CLNK: variants seen among roughly 807,000 people sequenced by gnomAD.
CLNK encodes the protein cytokine-dependent hematopoietic cell linker.
Under a neutral mutation model 68.6 loss-of-function variants are expected in CLNK, and 74 were observed. That is an observed-to-expected ratio of 1.08 (90% CI 0.89 to 1.31). The LOEUF is 1.31. Ranked by LOEUF, CLNK falls within the 50% of genes most tolerant of loss-of-function variation. CLNK has a pLI of 0.00. For synonymous variants in CLNK, 198 were observed against 172.2 expected, an observed-to-expected ratio of 1.15 and a Z score of -1.17; for missense variants, 553 against 515.3, an observed-to-expected ratio of 1.07 and a Z score of -0.71.
At chr4:10,556,520 C>T (rs538642509) in intron 8 of CLNK, among the ~76,000 whole-genome samples, 23 of 152,144 alleles carry the variant, frequency 1.5e-4, no homozygotes, top group East Asian at 3.9e-4. Flanking sequence ...TTTCTGCAGC[C>T]GAAGAAGTGA....
In CLNK at chr4:10,565,258, G is replaced by A. The variant is rs1007555906; in HGVS notation, c.293-481C>T. Among the ~76,000 whole-genome samples the A allele has an allele frequency of 5.3e-5, 8 of 152,334 alleles. No individual in the cohort carries two copies. In the East Asian group the frequency reaches 7.7e-4, roughly 15 times the overall value. On this transcript the variant is annotated intron_variant, in intron 6 of 18. Coordinates refer to ENST00000226951, the MANE Select transcript of CLNK (RefSeq NM_052964.4). ...TCAATCCCAACATGGAAACTGGCAC[G>A]TAGTAGATGCTCAATGAATGCTTAC...
the CLNK span, among the ~76,000 whole-genome samples, chr4:10,707,590 G>A: frequency 6.6e-6 from 1 of 152,094 alleles, no homozygotes; most frequent in East Asian, 1.9e-4. Context: ...ACCCTAAAAT[G>A]TATAAAACCA....
At chr4:10,491,672 A>G (rs541485955) in intron 18 of CLNK, among the ~76,000 whole-genome samples, 1 of 152,232 alleles carries the variant, frequency 6.6e-6, no homozygotes, top group African/African-American at 2.4e-5. Context: ...GGGTCATTCC[A>G]GATAAGTAGA....
chr4:10,638,311 C>T (rs370120350), intron 2 of CLNK, among the ~76,000 whole-genome samples: 2 of 152,180 alleles, frequency 1.3e-5, no homozygotes, highest in African/African-American at 4.8e-5. Context: ...TGTGTGCATC[C>T]AGATGCTTTT....
intron 16 of CLNK, among the ~76,000 whole-genome samples, chr4:10,508,723 T>G (rs1053663102): frequency 6.6e-5 from 10 of 152,130 alleles, no homozygotes; most frequent in African/African-American, 2.2e-4. Flanking sequence ...CCTCATTTAG[T>G]AGCATGTCAA....
intron 6 of CLNK, among the ~76,000 whole-genome samples, chr4:10,565,655 T>C (rs1222671374): frequency 6.6e-6 from 1 of 152,158 alleles, no homozygotes; most frequent in Admixed American, 6.5e-5. Flanking sequence ...TCCCTGCTTG[T>C]CCACCCTCCG....
At chr4:10,731,852 A>G in the CLNK span, among the ~76,000 whole-genome samples, 16 of 152,334 alleles carry the variant, frequency 1.1e-4, no homozygotes, top group Non-Finnish European at 1.8e-4. Flanking sequence ...TACCACATGC[A>G]AATCTAACGT....
chr4:10,603,879 C>T (rs1397561185), intron 2 of CLNK, among the ~76,000 whole-genome samples: 2 of 152,170 alleles, frequency 1.3e-5, no homozygotes, highest in Non-Finnish European at 2.9e-5. Flanking sequence ...TGGATTCTGA[C>T]TCTTTTATTT....
chr4:10,647,074 T>C (rs1375957254), intron 2 of CLNK, among the ~76,000 whole-genome samples: 1 of 152,166 alleles, frequency 6.6e-6, no homozygotes, highest in Non-Finnish European at 1.5e-5. Context: ...CAGACCCCCA[T>C]AGACTTTCAT....
intron 2 of CLNK, among the ~76,000 whole-genome samples, chr4:10,618,104 G>A (rs1470678968): frequency 2.0e-5 from 3 of 152,252 alleles, no homozygotes; most frequent in East Asian, 3.9e-4. Flanking sequence ...ATCCATAAGA[G>A]CCTCAGACGG....
the CLNK span, among the ~76,000 whole-genome samples, chr4:10,691,585 G>T: frequency 6.6e-6 from 1 of 150,832 alleles, no homozygotes; most frequent in Admixed American, 6.6e-5. Flanking sequence ...CTGGCTGGGA[G>T]TGTGACATTA....
At chr4:10,703,889 C>T in the CLNK span, among the ~76,000 whole-genome samples, 2 of 152,154 alleles carry the variant, frequency 1.3e-5, no homozygotes, top group Admixed American at 1.3e-4. Context: ...GTTGTATATG[C>T]AGTCTGTTGT....
intron 14 of CLNK, chr4:10,523,935 G>A: frequency 2.5e-6 from 1 of 393,838 alleles, no homozygotes; most frequent in Non-Finnish European, 5.1e-6. Context: ...TGATGTGGGA[G>A]GATCACTTGA....
chr4:10,593,395 C>T (rs757018865), intron 3 of CLNK, among the ~76,000 whole-genome samples: 2 of 152,184 alleles, frequency 1.3e-5, no homozygotes, highest in South Asian at 4.2e-4. Flanking sequence ...TGGCTCATGC[C>T]TGTCATCCCA....
At position 10,667,898 on chromosome 4, in the gene CLNK, A is replaced by T; in HGVS notation, c.-29T>A. Reference sequence around the variant, plus strand: ...TCTTGGCACCTGGCGGGTAAGAGGGATCTTCAATTCAGCCTGTGGAAACAA... The same window carrying T: ...TCTTGGCACCTGGCGGGTAAGAGGGTTCTTCAATTCAGCCTGTGGAAACAA... On this transcript the variant is annotated 5_prime_UTR_variant, in exon 2 of 19. Coordinates refer to ENST00000226951, the MANE Select transcript of CLNK (RefSeq NM_052964.4). The T allele has an allele frequency of 6.6e-7, 1 of 1,504,132 alleles. No homozygotes were observed. The highest frequency in any genetic ancestry group is 9.0e-7 in the Non-Finnish European group (1 of 1,113,018). The allele number at this position is 1,504,132 out of a possible 1,614,324, so 93.2% of individuals were successfully genotyped here. A position where few individuals can be genotyped will look rare whatever the true frequency, so the allele number is the denominator to read the frequency against.
intron 17 of CLNK, among the ~76,000 whole-genome samples, chr4:10,503,486 T>A (rs1717143662): frequency 6.7e-6 from 1 of 149,516 alleles, no homozygotes; most frequent in Admixed American, 6.7e-5. Context: ...ATGATAAATA[T>A]AGATTATATA....
chr4:10,525,125 C>T (rs770157361), intron 14 of CLNK, among the ~76,000 whole-genome samples: 10 of 152,140 alleles, frequency 6.6e-5, no homozygotes, highest in Non-Finnish European at 1.3e-4. Flanking sequence ...AGTGCAGTGG[C>T]GCCATCTTGG....
chr4:10,570,807 T>C (rs1720314662), intron 5 of CLNK, among the ~76,000 whole-genome samples: 1 of 152,230 alleles, frequency 6.6e-6, no homozygotes, highest in Non-Finnish European at 1.5e-5. Context: ...TAAATTTTAA[T>C]CTTTTTCTCT....
intron 2 of CLNK, among the ~76,000 whole-genome samples, chr4:10,624,593 G>GTTTTTTTTTTTTTT (rs10559473): frequency 1.6e-5 from 2 of 122,888 alleles, no homozygotes; most frequent in African/African-American, 3.1e-5. Flanking sequence ...CGCCCGGCCA[G>GTTTTTTTTTTTTTT]TTTTTTTTTT....
Sources: gnomAD v4.1 joint callset for allele counts (sites outside exome capture counted in the v4.1 genomes callset) on GRCh38, gnomAD v4.1.1 for gene constraint, MANE v1.5 for transcripts, NCBI Gene and HGNC (gene_info 2026-07-23, HGNC 2026-07-21) for gene names.